HHAT: variants seen among roughly 807,000 people sequenced by gnomAD.
HHAT encodes hedgehog acyltransferase.
Under a neutral mutation model 70.8 loss-of-function variants are expected in HHAT, and 47 were observed. That is an observed-to-expected ratio of 0.66 (90% confidence interval 0.53 to 0.85). The LOEUF (loss-of-function observed/expected upper bound fraction) is 0.85. Among genes scored for constraint, HHAT ranks in the 40% least tolerant of loss-of-function variants. HHAT has a pLI of 0.00. For missense variants in HHAT, 609 were observed against 604.8 expected, an observed-to-expected ratio of 1.01 and a Z score of -0.07; for synonymous variants, 228 against 247.6, an observed-to-expected ratio of 0.92 and a Z score of 0.74.
intron 8 of HHAT, among the ~76,000 whole-genome samples, chr1:210,504,902 CTTTT>C (rs71571952): frequency 1.6e-5 from 2 of 124,528 alleles, no homozygotes; most frequent in Non-Finnish European, 1.6e-5. Flanking sequence ...GCTTTTTATT[CTTTT>C]TTTTTTTTTT....
intron 7 of HHAT, among the ~76,000 whole-genome samples, chr1:210,428,930 C>T (rs1269939394): frequency 2.6e-5 from 4 of 151,686 alleles, no homozygotes; most frequent in South Asian, 4.1e-4. Flanking sequence ...GAGCTATGAT[C>T]GCACCACTGC....
intron 5 of HHAT, among the ~76,000 whole-genome samples, chr1:210,403,436 C>T (rs2092175127): frequency 3.3e-5 from 5 of 152,136 alleles, no homozygotes; most frequent in Admixed American, 3.3e-4. Flanking sequence ...ATTTGTTCTG[C>T]AAATTTTACA....
rs1674089444 is a variant in HHAT at position 210,646,457 on chromosome 1, GTGAACATATCCC to G, written c.1390+22791_1390+22802del. Among the ~76,000 whole-genome samples the G allele has an allele frequency of 5.9e-5, 9 of 152,332 alleles. No homozygotes were observed. The South Asian group carries it at 1.9e-3, about 32-fold the overall frequency. On this transcript the variant is annotated intron_variant, in intron 11 of 11. Transcript: ENST00000261458. ...TCCTTTTAGGCCTAATGAAGAGGCT[GTGAACATATCCC>G]TGAGCCCTAGGATTAAAAGTCAAGA...
chr1:210,515,967 G>T (rs900681727), intron 9 of HHAT, among the ~76,000 whole-genome samples: 5 of 152,056 alleles, frequency 3.3e-5, no homozygotes, highest in African/African-American at 1.2e-4. Context: ...CTACTTGGGT[G>T]GATGAGGCAT....
intron 10 of HHAT, among the ~76,000 whole-genome samples, chr1:210,614,616 G>A (rs546575985): frequency 6.6e-6 from 1 of 152,042 alleles, no homozygotes; most frequent in African/African-American, 2.4e-5. Context: ...CTGTGTCCAA[G>A]TGTTCTCATT....
intron 8 of HHAT, among the ~76,000 whole-genome samples, chr1:210,493,986 C>T (rs2094591895): frequency 6.6e-6 from 1 of 152,146 alleles, no homozygotes; most frequent in African/African-American, 2.4e-5. Context: ...CTGATGAACA[C>T]AAGACATGCT....
chr1:210,409,391 A>G (rs1308628600), intron 6 of HHAT, among the ~76,000 whole-genome samples: 1 of 152,134 alleles, frequency 6.6e-6, no homozygotes, highest in African/African-American at 2.4e-5. Flanking sequence ...TGAACCAAGT[A>G]CCAGCCTTGG....
In HHAT at chr1:210,530,518, G is replaced by T. The variant is rs185042717; in HGVS notation, c.1043+17330G>T. On this transcript the variant is annotated intron_variant, in intron 9 of 11. Transcript: ENST00000261458. ...AAAAATGGGTGACAGTACCGGCAGG[G>T]ACTTGGAAATCAGGCATAACCTGCA... 1.3e-3 allele frequency among the ~76,000 whole-genome samples: 200 copies of T among 152,272 alleles called. 1 individual carries two copies. The highest frequency in any genetic ancestry group is 4.6e-3 in the African/African-American group (192 of 41,558).
At chr1:210,538,561 A>G (rs1417187848) in intron 9 of HHAT, among the ~76,000 whole-genome samples, 1 of 152,202 alleles carries the variant, frequency 6.6e-6, no homozygotes, top group Non-Finnish European at 1.5e-5. Flanking sequence ...TCTTTGGAGA[A>G]CATGAAGATC....
chr1:210,441,446 T>C (rs2093506041), intron 7 of HHAT, among the ~76,000 whole-genome samples: 1 of 152,174 alleles, frequency 6.6e-6, no homozygotes, highest in Non-Finnish European at 1.5e-5. Flanking sequence ...AATCAATCTT[T>C]CTCTGCACCC....
chr1:210,376,088 C>G (rs1011159299), intron 3 of HHAT, among the ~76,000 whole-genome samples: 11 of 141,982 alleles, frequency 7.7e-5, no homozygotes, highest in African/African-American at 2.9e-4. Flanking sequence ...TGGTCTGGAA[C>G]TCCTGGCCTC....
chr1:210,456,279 C>T (rs2093866186), intron 7 of HHAT, among the ~76,000 whole-genome samples: 1 of 152,190 alleles, frequency 6.6e-6, no homozygotes, highest in Admixed American at 6.5e-5. Context: ...AATGTTCCTC[C>T]AGCTTCTGAC....
At chr1:210,438,173 T>TG (rs2093423548) in intron 7 of HHAT, among the ~76,000 whole-genome samples, 1 of 137,764 alleles carries the variant, frequency 7.3e-6, no homozygotes, top group Non-Finnish European at 1.6e-5. Flanking sequence ...ATTCTCCGTG[T>TG]TTGTGTGTGT....
intron 2 of HHAT, among the ~76,000 whole-genome samples, chr1:210,351,501 T>G (rs1013567656): frequency 6.6e-6 from 1 of 152,208 alleles, no homozygotes; most frequent in African/African-American, 2.4e-5. Context: ...TTATTCTTCT[T>G]TAGCCTGGTG....
intron 9 of HHAT, among the ~76,000 whole-genome samples, chr1:210,523,823 A>G (rs1342709789): frequency 1.3e-5 from 2 of 152,228 alleles, no homozygotes; most frequent in African/African-American, 4.8e-5. Flanking sequence ...TTTATACCAA[A>G]TTAAGTGCCC....
intron 7 of HHAT, among the ~76,000 whole-genome samples, chr1:210,445,867 G>A (rs2093624097): frequency 6.7e-6 from 1 of 148,894 alleles, no homozygotes; most frequent in Non-Finnish European, 1.5e-5. Context: ...CTCTTGGACA[G>A]TTACAGGCTC....
intron 8 of HHAT, among the ~76,000 whole-genome samples, chr1:210,498,023 G>A (rs1269595296): frequency 6.6e-6 from 1 of 151,976 alleles, no homozygotes; most frequent in African/African-American, 2.4e-5. Context: ...CCAAAATGCT[G>A]GGATTACAGG....
At chr1:210,327,366 G>A (rs2147885659), upstream of HHAT, among the ~76,000 whole-genome samples, 1 of 148,510 alleles carries the variant, frequency 6.7e-6, no homozygotes, top group African/African-American at 2.5e-5. Flanking sequence ...CGAACTCCTG[G>A]ATTCAAGTTA....
intron 11 of HHAT, among the ~76,000 whole-genome samples, chr1:210,640,405 G>A (rs955290465): frequency 3.9e-5 from 6 of 152,136 alleles, no homozygotes; most frequent in Admixed American, 2.0e-4. Context: ...GGGCTAAGGG[G>A]TGAAATTAGA....
Sources: allele counts gnomAD v4.1 joint callset (sites outside exome capture counted in the v4.1 genomes callset), GRCh38; gene constraint gnomAD v4.1.1; transcripts MANE v1.5; gene names NCBI Gene and HGNC (gene_info 2026-07-23, HGNC 2026-07-21).